The following BEST4 variants were observed in gnomAD, a reference collection of about 807,000 sequenced individuals.
BEST4 encodes the protein bestrophin-4.
BEST4 carries 36 observed loss-of-function variants against 47.1 expected under a neutral mutation model. The ratio of observed to expected loss-of-function variants is 0.76; its 90% CI spans 0.59 to 1.01. The LOEUF (loss-of-function observed/expected upper bound fraction) is 1.01. Ranked by LOEUF, BEST4 falls within the 50% of genes least tolerant of loss-of-function variation. The probability of loss-of-function intolerance (pLI) is 0.00; values close to 1 mark genes in which losing one functional copy is unlikely to be tolerated. For synonymous variants in BEST4, 250 were observed against 277.8 expected (o/e 0.90, Z 1.00); for missense variants, 550 against 648.6 (o/e 0.85, Z 1.65).
upstream of BEST4, among the ~76,000 whole-genome samples, chr1:44,792,707 C>T (rs138325510): frequency 6.6e-6 from 1 of 152,240 alleles, no homozygotes; most frequent in African/African-American, 2.4e-5. Flanking sequence ...TCTTGACCCT[C>T]CTCCGTTGGC....
chr1:44,785,517 T>A, intron 5 of BEST4, 82 bp downstream of exon 5: 1 of 1,372,500 alleles, frequency 7.3e-7, no homozygotes, highest in Admixed American at 2.0e-5. Flanking sequence ...GCCAGGCAAG[T>A]ACCATCGCTA....
At position 44,785,611 on chromosome 1, in the gene BEST4, G is replaced by A. The variant is rs151321346; in HGVS notation, c.702C>T (p.Leu234=). 6.6e-6 allele frequency: 10 copies of A among 1,512,508 alleles called. No individual in the cohort carries two copies. The highest frequency in any genetic ancestry group is 4.2e-5 in the Admixed American group (2 of 47,182). The allele number at this position is 1,512,508 out of a possible 1,614,324, so 93.7% of individuals were successfully genotyped here. A position where few individuals can be genotyped will look rare whatever the true frequency, so the allele number is the denominator to read the frequency against. The stretch of plus-strand genomic sequence containing the variant: ...GAGAGGCAGTTACTTGGGTGTAGAC[G>A]AGGGGGATGCTGATCCAGTCATAGT... ...LFHYDWISIP[L]VYTQVVTIAV... The change falls in exon 5 of 9, where the codon CTC becomes CTT. Residue 234 remains leucine (L), a synonymous_variant. Transcript: ENST00000372207.
In BEST4 at chr1:44,787,375, A is replaced by G. The variant is rs776130069; in HGVS notation, c.244T>C (p.Leu82=). The G allele has an allele frequency of 2.5e-6, 4 of 1,614,004 alleles. No individual in the cohort carries two copies. Among genetic ancestry groups the G allele is most frequent in the Non-Finnish European group, 3.4e-6 (4 of 1,179,974 alleles). Residue 82 remains leucine, a synonymous_variant, in exon 2 of 9, where the codon TTG becomes CTG. Transcript: ENST00000372207. ...GAAAACTAGAAGGGAGCCTTACCCA[A>G]TACAAAGGACAAGGGAATGAGGTCT... ...SADLIPLSFV[L]GFYVTLVVNR...
In BEST4 at chr1:44,784,135, G is replaced by C. The variant is rs575086618; in HGVS notation, c.*75C>G. On this transcript the variant is annotated 3_prime_UTR_variant, in exon 9 of 9. Coordinates refer to ENST00000372207, the MANE Select transcript of BEST4 (RefSeq NM_153274.3). The surrounding 1 kb of genome is among the most constrained non-coding windows in gnomAD (Gnocchi z 6.2). ...ACACAGGAAAAGCTGCTCTAATAGA[G>C]CTGGCTGGCAGGACCGGGCACGGGA... 2.7e-5 allele frequency: 36 copies of C among 1,313,924 alleles called. No individual in the cohort carries two copies. In the East Asian group the frequency reaches 1.1e-3, roughly 41 times the overall value. 81.4% of individuals were successfully genotyped at this position (1,313,924 alleles called of 1,614,324 possible). A position where few individuals can be genotyped will look rare whatever the true frequency, so the allele number is the denominator to read the frequency against.
At chr1:44,790,647 A>G (rs957787036), upstream of BEST4, among the ~76,000 whole-genome samples, 1 of 152,224 alleles carries the variant, frequency 6.6e-6, no homozygotes, top group Admixed American at 6.5e-5. Flanking sequence ...ACAGTGGCTC[A>G]TGCCTGTAAT....
upstream of BEST4, among the ~76,000 whole-genome samples, chr1:44,788,746 C>T (rs1278388643): frequency 6.6e-6 from 1 of 152,226 alleles, no homozygotes; most frequent in East Asian, 1.9e-4. Context: ...GCACTGGCCA[C>T]ACTCCCAGTC....
Position 44,787,476 on chromosome 1 carries a change from G to T in BEST4, c.153-10C>A. The T allele has an allele frequency of 1.2e-6, 2 of 1,614,164 alleles. No individual in the cohort carries two copies. Among genetic ancestry groups the T allele is most frequent in the Non-Finnish European group, 1.7e-6 (2 of 1,180,024 alleles). ...CTGGGTCAGCAGCAGCCTGGGGAAG[G>T]CAGGTGTAGGCTTGGGTTAGAGGGA... On this transcript the variant is annotated splice_polypyrimidine_tract_variant and intron_variant, in intron 1 of 8. Transcript: ENST00000372207.
chr1:44,785,504 A>G (rs1022301307), intron 5 of BEST4, 95 bp downstream of exon 5: 3 of 1,319,798 alleles, frequency 2.3e-6, no homozygotes, highest in African/African-American at 2.9e-5. Flanking sequence ...GGGGACTGAA[A>G]TGGCCAGGCA....
upstream of BEST4, among the ~76,000 whole-genome samples, chr1:44,790,794 C>G (rs1338081114): frequency 6.6e-6 from 1 of 151,866 alleles, no homozygotes; most frequent in Non-Finnish European, 1.5e-5. Context: ...TGCCTATAGT[C>G]CAGGTACTTG....
chr1:44,785,375 A>G, intron 5 of BEST4, 70 bp from the exon 6 acceptor site: 1 of 1,457,630 alleles, frequency 6.9e-7, no homozygotes, highest in Non-Finnish European at 9.3e-7. Context: ...CCTGCCTCTG[A>G]GGATCTATGG....
chr1:44,791,385 A>C (rs1031899050), upstream of BEST4, among the ~76,000 whole-genome samples: 2 of 151,964 alleles, frequency 1.3e-5, no homozygotes, highest in South Asian at 4.2e-4. Flanking sequence ...CTTACCACTT[A>C]AAGATGTTCT....
At chr1:44,789,034 C>A (rs868810663), upstream of BEST4, among the ~76,000 whole-genome samples, 21 of 152,034 alleles carry the variant, frequency 1.4e-4, no homozygotes, top group African/African-American at 5.1e-4. Context: ...GCAGGTGGAT[C>A]ACTTGAGGTC....
rs1651174407 is a variant in BEST4, at chr1:44,785,164, T to C, written c.856A>G (p.Met286Val). 3.1e-6 allele frequency: 5 copies of C among 1,613,948 alleles called. No homozygotes were observed. Among genetic ancestry groups the C allele is most frequent in the African/African-American group, 1.3e-5 (1 of 74,946 alleles). ...AGCAGAGTGGTGAGAGGCACGTACA[T>C]GTCCGGGTCTCCCAGGGCTGGGGCT... Reference protein sequence around the residue: ...EPAPALGDPDMYVPLTTLLQF... With the variant: ...EPAPALGDPDVYVPLTTLLQF... The change falls in exon 6 of 9, where the codon ATG becomes GTG. Residue 286 changes from methionine (M) to valine (V), a missense_variant. Coordinates refer to ENST00000372207, the MANE Select transcript of BEST4 (RefSeq NM_153274.3).
At chr1:44,789,242 C>CAAAAAA (rs778437528), upstream of BEST4, among the ~76,000 whole-genome samples, 4 of 61,302 alleles carry the variant, frequency 6.5e-5, no homozygotes, top group African/African-American at 1.7e-4. Flanking sequence ...CCTGGGTAAT[C>CAAAAAA]AAAAAAAAAA....
downstream of BEST4, among the ~76,000 whole-genome samples, chr1:44,783,270 C>T (rs1418004247): frequency 2.0e-5 from 3 of 152,174 alleles, no homozygotes; most frequent in Admixed American, 6.6e-5. Flanking sequence ...AGGCTCTTTA[C>T]TTACATCAGC....
In BEST4 at chr1:44,786,511, TGCTGACCGAGCGCAGCA is replaced by T. The variant is rs986380064; in HGVS notation, c.416_432del (p.Val139AspfsTer5). On this transcript the variant is annotated frameshift_variant, in exon 3 of 9. Transcript: ENST00000372207. LOFTEE classifies it high-confidence loss of function. The surrounding 1 kb of genome is among the most constrained non-coding windows in gnomAD (Gnocchi z 4.9). Reference sequence around the variant, plus strand: ...GTGGGGAAGCGCTTAAGCACGCGGGTGCTGACCGAGCGCAGCACCAGCACGGACGCCAGGTTCGCGTA... The same window carrying T: ...GTGGGGAAGCGCTTAAGCACGCGGGTCCAGCACGGACGCCAGGTTCGCGTA... 3.6e-5 allele frequency: 55 copies of T among 1,546,866 alleles called. No homozygotes were observed. The highest frequency in any genetic ancestry group is 3.6e-5 in the Non-Finnish European group (41 of 1,146,880).
chr1:44,792,017 C>T (rs1418698353), upstream of BEST4, among the ~76,000 whole-genome samples: 6 of 152,126 alleles, frequency 3.9e-5, no homozygotes, highest in Admixed American at 1.3e-4. Context: ...CCGAGGCAGG[C>T]GGATCACCTG....
At chr1:44,788,460 A>G (rs1651323309), upstream of BEST4, among the ~76,000 whole-genome samples, 1 of 152,190 alleles carries the variant, frequency 6.6e-6, no homozygotes, top group Non-Finnish European at 1.5e-5. Context: ...AACTGTTATA[A>G]TAATACCAGC....
chr1:44,785,522 T>TCG, intron 5 of BEST4, 77 bp downstream of exon 5: 1 of 1,388,764 alleles, frequency 7.2e-7, no homozygotes, highest in Non-Finnish European at 9.9e-7. Context: ...GCAAGTACCA[T>TCG]CGCTAATTCT....
Sources: allele counts gnomAD v4.1 joint callset (sites outside exome capture counted in the v4.1 genomes callset), GRCh38; gene constraint gnomAD v4.1.1; non-coding constraint Gnocchi (gnomAD v3.1); transcripts MANE v1.5; gene names NCBI Gene and HGNC (gene_info 2026-07-23, HGNC 2026-07-21).